Variants in AKAP6 observed in about 807,000 individuals in gnomAD.
The protein encoded by AKAP6 is A-kinase anchor protein 6.
AKAP6 carries 58 observed loss-of-function variants against 188.5 expected under a neutral mutation model. That is an observed-to-expected ratio of 0.31 (90% CI 0.25 to 0.38). AKAP6 has a LOEUF of 0.38. Ranked by LOEUF, AKAP6 falls within the 10% of genes least tolerant of loss-of-function variation. The probability of loss-of-function intolerance (pLI) is 1.00; values close to 1 mark genes in which losing one functional copy is unlikely to be tolerated. For synonymous variants in AKAP6, 989 were observed against 998.6 expected, an observed-to-expected ratio of 0.99 and a Z score of 0.18; for missense variants, 2,710 against 2,740.0, an observed-to-expected ratio of 0.99 and a Z score of 0.24.
At chr14:32,508,858 G>A (rs1323411858) in intron 2 of AKAP6, among the ~76,000 whole-genome samples, 1 of 149,642 alleles carries the variant, frequency 6.7e-6, no homozygotes, top group Non-Finnish European at 1.5e-5. Context: ...ACGGAGTCTC[G>A]CTCTGTTGCC....
At chr14:32,778,711 A>ATTT (rs61493362) in intron 12 of AKAP6, among the ~76,000 whole-genome samples, 12,335 of 135,846 alleles carry the variant, frequency 0.091, 766 homozygotes, top group Middle Eastern at 0.14. Flanking sequence ...ATACCCAGCA[A>ATTT]TTTTTTTTTT....
chr14:32,475,870 A>G (rs1879040041), intron 2 of AKAP6, among the ~76,000 whole-genome samples: 1 of 151,258 alleles, frequency 6.6e-6, no homozygotes, highest in African/African-American at 2.4e-5. Context: ...TTTTTAGTAG[A>G]GAAGGGGTTT....
chr14:32,811,014 C>T (rs572915402), intron 12 of AKAP6, among the ~76,000 whole-genome samples: 14 of 151,838 alleles, frequency 9.2e-5, no homozygotes, highest in South Asian at 2.1e-4. Flanking sequence ...CTGAGGTGGG[C>T]AGATCACGAG....
chr14:32,379,692 C>G (rs374163430), intron 1 of AKAP6, among the ~76,000 whole-genome samples: 1 of 152,106 alleles, frequency 6.6e-6, no homozygotes, highest in East Asian at 1.9e-4. Context: ...TGGATCTTGA[C>G]CTGGATGCCT....
chr14:32,510,355 C>CATATATATATGTGTATATATATGTGT (rs1881113750), intron 2 of AKAP6, among the ~76,000 whole-genome samples: 9 of 134,414 alleles, frequency 6.7e-5, no homozygotes, highest in Admixed American at 3.9e-4. Flanking sequence ...CATATGGATA[C>CATATATATATGTGTATATATATGTGT]ATATATATAT....
intron 1 of AKAP6, among the ~76,000 whole-genome samples, chr14:32,394,375 C>T (rs1311955436): frequency 6.6e-6 from 1 of 152,094 alleles, no homozygotes; most frequent in Non-Finnish European, 1.5e-5. Context: ...ATGGTTATAA[C>T]TTTAGGGAGA....
chr14:32,809,145 G>C (rs2034160085), intron 12 of AKAP6, among the ~76,000 whole-genome samples: 1 of 152,210 alleles, frequency 6.6e-6, no homozygotes, highest in African/African-American at 2.4e-5. Flanking sequence ...ATAAAGCTGA[G>C]AAAGCTGGCG....
chr14:32,719,012 G>A (rs1457673855), intron 9 of AKAP6, among the ~76,000 whole-genome samples: 1 of 152,042 alleles, frequency 6.6e-6, no homozygotes, highest in African/African-American at 2.4e-5. Flanking sequence ...CTGAAGTGAA[G>A]GCACCAGAGA....
At chr14:32,747,544 T>C (rs569537643) in intron 11 of AKAP6, among the ~76,000 whole-genome samples, 1 of 152,252 alleles carries the variant, frequency 6.6e-6, no homozygotes, top group Admixed American at 6.5e-5. Flanking sequence ...TCATCAACAG[T>C]CTTTTATTAG....
chr14:32,346,194 C>T (rs543816299), intron 1 of AKAP6, among the ~76,000 whole-genome samples: 91 of 152,272 alleles, frequency 6.0e-4, no homozygotes, highest in Non-Finnish European at 9.7e-4. Flanking sequence ...GCCCATGATG[C>T]AGTGAGTGTG....
intron 8 of AKAP6, among the ~76,000 whole-genome samples, chr14:32,689,527 C>G (rs1309712899): frequency 6.6e-6 from 1 of 152,056 alleles, no homozygotes; most frequent in African/African-American, 2.4e-5. Flanking sequence ...AGGCAGGCTG[C>G]TTTTCTCATG....
intron 8 of AKAP6, among the ~76,000 whole-genome samples, chr14:32,680,615 T>C (rs1021702511): frequency 2.0e-5 from 3 of 152,184 alleles, no homozygotes; most frequent in Non-Finnish European, 2.9e-5. Flanking sequence ...TTTATTTCCT[T>C]CTCATGCCTA....
chr14:32,783,940 A>G (rs532845917), intron 12 of AKAP6, among the ~76,000 whole-genome samples: 1 of 152,296 alleles, frequency 6.6e-6, no homozygotes, highest in South Asian at 2.1e-4. Flanking sequence ...GTAAATGAAC[A>G]AGACTTTCAT....
In AKAP6 at chr14:32,824,115, C is replaced by G. The variant is rs371664771; in HGVS notation, c.6302C>G (p.Pro2101Arg). 6.2e-7 allele frequency: 1 copy of G among 1,613,978 alleles called. No individual in the cohort carries two copies. Among genetic ancestry groups the G allele is most frequent in the Non-Finnish European group, 8.5e-7 (1 of 1,179,934 alleles). The stretch of plus-strand genomic sequence containing the variant: ...AAAGTGTTGGAGCATTCTCACCGGC[C>G]CATCCAGCTGAGAAAAGGGGACTTT... ...KEKVLEHSHR[P>R]IQLRKGDFYS... The change falls in exon 13 of 14, where the codon CCC becomes CGC. Residue 2101 changes from proline (P) to arginine (R), a missense_variant. Physicochemically the swap from Pro to Arg is moderately radical, Grantham distance 103. Around this residue, in one of 2 missense-constraint regions of AKAP6, gnomAD observed 2,473 missense variants for 2,426.1 expected, o/e 1.02. Transcript: ENST00000280979.
At chr14:32,497,802 T>C (rs1332308503) in intron 2 of AKAP6, among the ~76,000 whole-genome samples, 1 of 152,080 alleles carries the variant, frequency 6.6e-6, no homozygotes, top group African/African-American at 2.4e-5. Flanking sequence ...TTTTGCTATA[T>C]GTATTTTGAA....
chr14:32,758,091 G>T (rs1190535437), intron 11 of AKAP6, among the ~76,000 whole-genome samples: 4 of 152,082 alleles, frequency 2.6e-5, no homozygotes, highest in African/African-American at 9.7e-5. Flanking sequence ...TGTTTTGCAT[G>T]CCCTTTATAG....
At chr14:32,557,598 TTGA>T (rs1291806189) in intron 4 of AKAP6, among the ~76,000 whole-genome samples, 2 of 152,228 alleles carry the variant, frequency 1.3e-5, no homozygotes, top group Non-Finnish European at 2.9e-5. Flanking sequence ...GTTCCTAGTG[TTGA>T]TGGAGTGGTA....
At chr14:32,515,450 A>G (rs1466484421) in intron 2 of AKAP6, among the ~76,000 whole-genome samples, 1 of 152,184 alleles carries the variant, frequency 6.6e-6, no homozygotes, top group African/African-American at 2.4e-5. Flanking sequence ...ACTACTTGGA[A>G]GAAATAACAG....
At chr14:32,599,371 T>G (rs1370930160) in intron 5 of AKAP6, 39 bp from the exon 6 acceptor site, 1 of 1,552,156 alleles carries the variant, frequency 6.4e-7, no homozygotes, top group Non-Finnish European at 8.8e-7. Flanking sequence ...TATGTGTAAC[T>G]GCCTTGCCAG....
Sources: allele counts gnomAD v4.1 joint callset (sites outside exome capture counted in the v4.1 genomes callset), GRCh38; gene constraint gnomAD v4.1.1; regional missense constraint gnomAD v4.1.1; transcripts MANE v1.5; gene names NCBI Gene and HGNC (gene_info 2026-07-23, HGNC 2026-07-21).